The following SLC2A9 variants were observed in gnomAD, a reference collection of about 807,000 sequenced individuals.
The protein encoded by SLC2A9 is solute carrier family 2, facilitated glucose transporter member 9.
Under a neutral mutation model 50.6 loss-of-function variants are expected in SLC2A9, and 39 were observed. That is an observed-to-expected ratio of 0.77 (90% confidence interval 0.60 to 1.01). SLC2A9 has a LOEUF of 1.01. SLC2A9 is among the 50% of genes least tolerant of loss of function. SLC2A9 has a pLI of 0.00. For synonymous variants in SLC2A9, 324 were observed against 276.9 expected (o/e 1.17, Z -1.69); for missense variants, 686 against 677.6 (o/e 1.01, Z -0.14).
At chr4:9,828,836 A>T (rs1458659576) in intron 11 of SLC2A9, among the ~76,000 whole-genome samples, 1 of 152,118 alleles carries the variant, frequency 6.6e-6, no homozygotes, top group East Asian at 1.9e-4. Flanking sequence ...TCTCCCTACC[A>T]AGAGGTAACT....
upstream of SLC2A9, chr4:10,026,129 G>A: frequency 1.5e-6 from 1 of 675,370 alleles, no homozygotes; most frequent in Non-Finnish European, 2.6e-6. Context: ...GGGATGCCAG[G>A]ATAGGACACA....
rs185135412 is a variant in SLC2A9 at position 9,790,305 on chromosome 4, C to T, written n.386-10240G>A. Among the ~76,000 whole-genome samples, 10 of 152,322 alleles carry T rather than the reference C, an allele frequency of 6.6e-5. No homozygotes were observed. In the East Asian group the frequency reaches 1.9e-3, roughly 29 times the overall value. On this transcript the variant is annotated intron_variant and non_coding_transcript_variant, in intron 3 of 3. Coordinates refer to the SLC2A9 transcript ENST00000503803. The stretch of plus-strand genomic sequence containing the variant: ...TTCCCTCTCCATCTTGGACCTTTTC[C>T]TGTGCTCTTCCAATGGCCCTTTCCA...
intron 3 of SLC2A9, among the ~76,000 whole-genome samples, chr4:9,811,589 A>G (rs1160089521): frequency 6.6e-6 from 1 of 152,116 alleles, no homozygotes; most frequent in Non-Finnish European, 1.5e-5. Flanking sequence ...TTTCAGACCA[A>G]TCACCTCCAG....
At chr4:10,038,325 T>A (rs1026333758) in intron 1 of SLC2A9, among the ~76,000 whole-genome samples, 1 of 151,888 alleles carries the variant, frequency 6.6e-6, no homozygotes. Context: ...CTGGCCAACA[T>A]GGTGAAACCC....
chr4:9,987,486 G>A (rs1560442355), intron 3 of SLC2A9, among the ~76,000 whole-genome samples: 4 of 152,072 alleles, frequency 2.6e-5, no homozygotes, highest in African/African-American at 9.7e-5. Context: ...AGCCCTTTAC[G>A]GCTTATTTTT....
At chr4:9,818,710 G>A (rs551110727) in intron 3 of SLC2A9, among the ~76,000 whole-genome samples, 7 of 152,338 alleles carry the variant, frequency 4.6e-5, no homozygotes, top group Non-Finnish European at 5.9e-5. Context: ...TCCCTGTCAC[G>A]ATTATTATTT....
chr4:9,906,922 A>G (rs560161082), intron 8 of SLC2A9, among the ~76,000 whole-genome samples: 1 of 152,398 alleles, frequency 6.6e-6, no homozygotes, highest in African/African-American at 2.4e-5. Flanking sequence ...GGAAAGGGAA[A>G]GAGACAAAAC....
At chr4:9,827,371 T>C (rs548776293) in intron 11 of SLC2A9, among the ~76,000 whole-genome samples, 1 of 152,338 alleles carries the variant, frequency 6.6e-6, no homozygotes, top group East Asian at 1.9e-4. Context: ...TGAGCCACCA[T>C]TCCAGAAATA....
At chr4:9,832,069 C>T (rs967788979) in intron 11 of SLC2A9, among the ~76,000 whole-genome samples, 1 of 152,216 alleles carries the variant, frequency 6.6e-6, no homozygotes, top group Non-Finnish European at 1.5e-5. Flanking sequence ...GTTGTTGAAG[C>T]TCCCTAGTCT....
chr4:9,860,134 G>C (rs192891241), intron 10 of SLC2A9, among the ~76,000 whole-genome samples: 58 of 152,230 alleles, frequency 3.8e-4, no homozygotes, highest in Non-Finnish European at 7.2e-4. Flanking sequence ...CTGCCCCCTG[G>C]GTAGTACCAG....
At chr4:9,955,032 G>C (rs923892773) in intron 5 of SLC2A9, among the ~76,000 whole-genome samples, 1 of 152,256 alleles carries the variant, frequency 6.6e-6, no homozygotes, top group Non-Finnish European at 1.5e-5. Flanking sequence ...GGGAACTTTT[G>C]ACTGGTGAGG....
chr4:9,843,386 T>C (rs1211638708), intron 10 of SLC2A9, among the ~76,000 whole-genome samples: 1 of 152,158 alleles, frequency 6.6e-6, no homozygotes, highest in Non-Finnish European at 1.5e-5. Context: ...AGTTGGGGTA[T>C]AACACTAGCA....
At chr4:9,928,747 C>A (rs1466185078) in intron 6 of SLC2A9, among the ~76,000 whole-genome samples, 2 of 152,098 alleles carry the variant, frequency 1.3e-5, no homozygotes, top group Non-Finnish European at 2.9e-5. Context: ...AGCAAACAAA[C>A]AAACAAACAA....
chr4:9,788,356 A>AT (rs36144026), intron 3 of SLC2A9, among the ~76,000 whole-genome samples: 17,423 of 136,786 alleles, frequency 0.13, 1,304 homozygotes, highest in Middle Eastern at 0.17. Context: ...TGCCCAGGTA[A>AT]TTTTTTTTTT....
intron 8 of SLC2A9, among the ~76,000 whole-genome samples, chr4:9,905,552 G>C (rs1201371963): frequency 6.6e-6 from 1 of 152,236 alleles, no homozygotes; most frequent in Non-Finnish European, 1.5e-5. Context: ...TTCCAGGACT[G>C]TGAAGTCATT....
At position 9,877,640 on chromosome 4, in the gene SLC2A9, C is replaced by T. The variant is rs1163488877; in HGVS notation, c.1291+9927G>A. 2.0e-5 allele frequency among the ~76,000 whole-genome samples: 3 copies of T among 152,178 alleles called. No homozygotes were observed. In the East Asian group the frequency reaches 5.8e-4, roughly 29 times the overall value. On this transcript the variant is annotated intron_variant, in intron 10 of 11. Transcript: ENST00000264784. Reference sequence around the variant, plus strand: ...CTGTCTCTTCTGTGGGCTCCTCCAGCATAGGAGGAGTTAAAGGACTGAGCC... The same window carrying T: ...CTGTCTCTTCTGTGGGCTCCTCCAGTATAGGAGGAGTTAAAGGACTGAGCC...
At position 9,866,564 on chromosome 4, in the gene SLC2A9, G is replaced by A. The variant is rs78983550; in HGVS notation, c.1291+21003C>T. Among the ~76,000 whole-genome samples the A allele has an allele frequency of 4.7e-4, 71 of 152,122 alleles. 1 individual carries two copies. The East Asian group carries it at 7.9e-3, about 17-fold the overall frequency. On this transcript the variant is annotated intron_variant, in intron 10 of 11. Transcript: ENST00000264784. ...CTTTCTACAACTGCCCAGTATTCAC[G>A]CTCATGTCAGTGACAACCCGAGAAC...
intron 1 of SLC2A9, among the ~76,000 whole-genome samples, chr4:10,032,285 T>C (rs754062812): frequency 6.6e-6 from 1 of 151,806 alleles, no homozygotes; most frequent in Non-Finnish European, 1.5e-5. Context: ...TCTGTAGATG[T>C]GGGGTTGTGG....
chr4:9,886,240 A>G (rs192306939), intron 10 of SLC2A9, among the ~76,000 whole-genome samples: 1 of 152,306 alleles, frequency 6.6e-6, no homozygotes, highest in Non-Finnish European at 1.5e-5. Flanking sequence ...ACACCTCCAG[A>G]GCACTGATGT....
Sources: allele counts gnomAD v4.1 joint callset (sites outside exome capture counted in the v4.1 genomes callset), GRCh38; gene constraint gnomAD v4.1.1; transcripts MANE v1.5; gene names NCBI Gene and HGNC (gene_info 2026-07-23, HGNC 2026-07-21).